SHQ1: variants seen among roughly 807,000 people sequenced by gnomAD.
SHQ1 encodes the protein SHQ1, H/ACA ribonucleoprotein assembly factor.
A neutral mutation model predicts 53.8 loss-of-function variants in SHQ1; 49 were observed. That is an observed-to-expected ratio of 0.91 (90% CI 0.72 to 1.16). SHQ1 has a LOEUF of 1.16. Ranked by LOEUF, SHQ1 falls within the 50% of genes most tolerant of loss-of-function variation. The probability of loss-of-function intolerance (pLI) is 0.00; values close to 1 mark genes in which losing one functional copy is unlikely to be tolerated. For missense variants in SHQ1, 738 were observed against 683.1 expected, an observed-to-expected ratio of 1.08 and a Z score of -0.90; for synonymous variants, 243 against 251.0, an observed-to-expected ratio of 0.97 and a Z score of 0.30.
intron 10 of SHQ1, chr3:72,772,778 A>C: frequency 1.3e-6 from 1 of 759,706 alleles, no homozygotes; most frequent in Non-Finnish European, 2.5e-6. Context: ...AAAAGTCCTG[A>C]TGATGATCTT....
At chr3:72,832,127 A>G (rs1158105199) in intron 5 of SHQ1, among the ~76,000 whole-genome samples, 1 of 152,232 alleles carries the variant, frequency 6.6e-6, no homozygotes. Flanking sequence ...AAAAAACTAA[A>G]AAGTATGTTA....
intron 10 of SHQ1, among the ~76,000 whole-genome samples, 156 bp from the exon 11 acceptor site, chr3:72,750,992 T>C (rs963983701): frequency 1.3e-5 from 2 of 152,122 alleles, no homozygotes; most frequent in African/African-American, 2.4e-5. Context: ...ATGTAAAAAA[T>C]GAAGCTATTA....
the SHQ1 span, among the ~76,000 whole-genome samples, chr3:72,736,740 C>A: frequency 7.1e-6 from 1 of 140,308 alleles, no homozygotes; most frequent in Admixed American, 7.1e-5. Context: ...TTGTAGTGAG[C>A]CGAGATTGTG....
chr3:72,818,732 T>C (rs960821831), intron 6 of SHQ1, among the ~76,000 whole-genome samples: 6 of 152,200 alleles, frequency 3.9e-5, no homozygotes, highest in African/African-American at 1.4e-4. Flanking sequence ...ATTCCATTAT[T>C]AGCAGACCAA....
At chr3:72,784,010 T>A (rs1706148724) in intron 10 of SHQ1, among the ~76,000 whole-genome samples, 1 of 152,164 alleles carries the variant, frequency 6.6e-6, no homozygotes, top group Non-Finnish European at 1.5e-5. Flanking sequence ...GTTCATTAAT[T>A]GTGACAAATA....
In SHQ1 at chr3:72,750,067, A is replaced by G. The variant is rs1443804530; in HGVS notation, c.*217T>C. The G allele has an allele frequency of 5.5e-6, 3 of 546,486 alleles. No homozygotes were observed. The highest frequency in any genetic ancestry group is 9.6e-6 in the Non-Finnish European group (3 of 311,724). 33.9% of individuals were successfully genotyped at this position (546,486 alleles called of 1,614,324 possible). Reference sequence around the variant, plus strand: ...GTCATACTGTATTATTTAGAGAATAATAACAAGAAAAAAGTCTGTACATGT... The same window carrying G: ...GTCATACTGTATTATTTAGAGAATAGTAACAAGAAAAAAGTCTGTACATGT... On this transcript the variant is annotated 3_prime_UTR_variant, in exon 11 of 11. Coordinates refer to ENST00000325599, the MANE Select transcript of SHQ1 (RefSeq NM_018130.3).
At chr3:72,741,135 G>A in the SHQ1 span, among the ~76,000 whole-genome samples, 1 of 152,188 alleles carries the variant, frequency 6.6e-6, no homozygotes, top group Non-Finnish European at 1.5e-5. Flanking sequence ...TGCAGCCAGA[G>A]TCAAGAACCC....
intron 7 of SHQ1, among the ~76,000 whole-genome samples, chr3:72,815,928 T>C (rs534576066): frequency 2.0e-4 from 31 of 152,318 alleles, no homozygotes; most frequent in Non-Finnish European, 3.8e-4. Flanking sequence ...TAAAAAATGG[T>C]AAATTTTTTC....
intron 9 of SHQ1, among the ~76,000 whole-genome samples, chr3:72,798,523 A>G (rs1277851100): frequency 6.6e-6 from 1 of 152,250 alleles, no homozygotes; most frequent in East Asian, 1.9e-4. Flanking sequence ...TGGGTAGTAA[A>G]TAGGATTTAA....
chr3:72,752,674 G>A (rs1205334022), intron 10 of SHQ1, among the ~76,000 whole-genome samples: 3 of 151,920 alleles, frequency 2.0e-5, no homozygotes, highest in South Asian at 2.1e-4. Flanking sequence ...CTACAGGCGC[G>A]TACCACCATG....
intron 9 of SHQ1, chr3:72,810,093 A>G (rs182426523): frequency 1.7e-4 from 26 of 152,300 alleles, no homozygotes; most frequent in African/African-American, 6.0e-4. Flanking sequence ...CCATTCTTCC[A>G]AAAAGAATGG....
chr3:72,840,280 T>C (rs543601217), intron 4 of SHQ1, among the ~76,000 whole-genome samples: 3 of 131,400 alleles, frequency 2.3e-5, no homozygotes, highest in Admixed American at 7.8e-5. Context: ...AAATAAACAA[T>C]AGGCTGGTCA....
At chr3:72,817,097 T>G in intron 7 of SHQ1, 133 bp downstream of exon 7, 2 of 910,612 alleles carry the variant, frequency 2.2e-6, no homozygotes, top group Non-Finnish European at 3.2e-6. Flanking sequence ...ACCACACACA[T>G]GCAACTCTGC....
the SHQ1 span, among the ~76,000 whole-genome samples, chr3:72,736,097 T>C: frequency 0.017 from 2,531 of 144,762 alleles, 39 homozygotes; most frequent in African/African-American, 0.028. Context: ...TGACTAGGCT[T>C]GAGACACCTG....
At chr3:72,790,560 G>GA (rs1706401646) in intron 10 of SHQ1, among the ~76,000 whole-genome samples, 1 of 129,236 alleles carries the variant, frequency 7.7e-6, no homozygotes. Flanking sequence ...TAAAAGTGAG[G>GA]AAAAAATTCC....
chr3:72,765,145 A>C (rs1386603575), intron 10 of SHQ1, among the ~76,000 whole-genome samples: 1 of 152,110 alleles, frequency 6.6e-6, no homozygotes, highest in African/African-American at 2.4e-5. Context: ...TGAGGCCCAG[A>C]CTCAGAAACA....
the SHQ1 span, among the ~76,000 whole-genome samples, chr3:72,735,405 T>G: frequency 2.4e-4 from 35 of 143,544 alleles, 1 homozygote; most frequent in African/African-American, 9.0e-4. Flanking sequence ...GCTCTATATG[T>G]CTATCATCAT....
At position 72,793,573 on chromosome 3, in the gene SHQ1, G is replaced by A. The variant is rs371229811; in HGVS notation, c.1061-537C>T. On this transcript the variant is annotated intron_variant, in intron 9 of 10. Coordinates refer to ENST00000325599, the MANE Select transcript of SHQ1 (RefSeq NM_018130.3). The stretch of plus-strand genomic sequence containing the variant: ...TCTGTTGTTACAGCTGACTAGTTGT[G>A]GTTATCATTAAAATGCTATGAAATA... 8 of 151,440 alleles carry A rather than the reference G, an allele frequency of 5.3e-5. No individual in the cohort carries two copies. The South Asian group carries it at 1.7e-3, about 32-fold the overall frequency. The allele number at this position is 151,440 out of a possible 1,614,324, so 9.4% of individuals were successfully genotyped here. A position where few individuals can be genotyped will look rare whatever the true frequency, so the allele number is the denominator to read the frequency against.
At chr3:72,784,938 C>T (rs1706179594) in intron 10 of SHQ1, among the ~76,000 whole-genome samples, 1 of 152,150 alleles carries the variant, frequency 6.6e-6, no homozygotes, top group South Asian at 2.1e-4. Flanking sequence ...GTATGTCCTC[C>T]AGCTTCACTT....
Sources: allele counts gnomAD v4.1 joint callset (sites outside exome capture counted in the v4.1 genomes callset), GRCh38; gene constraint gnomAD v4.1.1; transcripts MANE v1.5; gene names NCBI Gene and HGNC (gene_info 2026-07-23, HGNC 2026-07-21).